The following GABRG2 variants were observed in gnomAD, a reference collection of about 807,000 sequenced individuals.
GABRG2 encodes the protein gamma-aminobutyric acid receptor subunit gamma-2.
A neutral mutation model predicts 56.4 loss-of-function variants in GABRG2; 16 were observed. That is an observed-to-expected ratio of 0.28 (90% CI 0.19 to 0.43). The LOEUF is 0.43. Among genes scored for constraint, GABRG2 ranks in the 20% least tolerant of loss-of-function variants. The pLI is 1.00. For missense variants in GABRG2, 327 were observed against 582.7 expected, an observed-to-expected ratio of 0.56 and a Z score of 4.52; for synonymous variants, 208 against 205.5, an observed-to-expected ratio of 1.01 and a Z score of -0.10.
chr5:162,149,465 A>T (rs1276785370), intron 8 of GABRG2, 152 bp downstream of exon 8: 1 of 753,592 alleles, frequency 1.3e-6, no homozygotes, highest in Non-Finnish European at 2.3e-6. Context: ...CGATTCATTT[A>T]CAGTCATTAG....
chr5:162,097,563 G>C, intron 3 of GABRG2, 75 bp from the exon 4 acceptor site: 1 of 1,139,652 alleles, frequency 8.8e-7, no homozygotes, highest in African/African-American at 1.5e-5. Context: ...AAGAAAACAG[G>C]AATGAAATAT....
intron 6 of GABRG2, among the ~76,000 whole-genome samples, chr5:162,133,446 C>A (rs929866410): frequency 2.6e-5 from 4 of 152,018 alleles, no homozygotes; most frequent in African/African-American, 9.7e-5. Context: ...AATTGCCCTG[C>A]GTTTATGTAA....
chr5:162,127,595 G>T (rs1168118546), intron 6 of GABRG2, among the ~76,000 whole-genome samples: 1 of 151,760 alleles, frequency 6.6e-6, no homozygotes, highest in East Asian at 1.9e-4. Flanking sequence ...TGAATTTGAG[G>T]GCTCTGGATA....
intron 6 of GABRG2, among the ~76,000 whole-genome samples, chr5:162,116,968 T>C (rs454888): frequency 0.11 from 16,628 of 152,128 alleles, 1,102 homozygotes; most frequent in East Asian, 0.26. Context: ...AAGTTACTTT[T>C]AAAAAGAGAA....
intron 1 of GABRG2, among the ~76,000 whole-genome samples, chr5:162,068,920 G>A (rs147504802): frequency 2.4e-4 from 36 of 152,172 alleles, no homozygotes; most frequent in African/African-American, 7.5e-4. Flanking sequence ...GGGAATATAC[G>A]TCTGGAAAAG....
Position 162,126,516 on chromosome 5 carries a change from T to C in GABRG2, c.770-15648T>C, listed in dbSNP as rs116324441. Among the ~76,000 whole-genome samples the C allele has an allele frequency of 4.5e-3, 678 of 152,104 alleles. 7 individuals are homozygous for C. Among genetic ancestry groups the C allele is most frequent in the African/African-American group, 0.016 (654 of 41,544 alleles). ...GAGTTAAAACTTTGGGAAAGGCAGA[T>C]GTTATCCCAGCATGAGGTTTCCCTC... On this transcript the variant is annotated intron_variant, in intron 6 of 9. Coordinates refer to ENST00000639213, the MANE Select transcript of GABRG2 (RefSeq NM_198904.4).
intron 1 of GABRG2, 91 bp from the exon 2 acceptor site, chr5:162,093,737 G>T: frequency 8.1e-7 from 1 of 1,229,266 alleles, no homozygotes. Context: ...CTTTTATCCT[G>T]TTTTATTTCT....
chr5:162,092,861 A>G (rs1183299400), intron 1 of GABRG2, among the ~76,000 whole-genome samples: 1 of 152,156 alleles, frequency 6.6e-6, no homozygotes, highest in Non-Finnish European at 1.5e-5. Context: ...AGTAACCAAT[A>G]TTCATTCAGT....
intron 1 of GABRG2, among the ~76,000 whole-genome samples, chr5:162,079,555 G>A (rs1022096015): frequency 1.3e-5 from 2 of 151,802 alleles, no homozygotes; most frequent in Non-Finnish European, 2.9e-5. Context: ...ATATAGTGCT[G>A]AACAAGGCAA....
chr5:162,142,457 C>G (rs1764643647), intron 7 of GABRG2, 141 bp downstream of exon 7: 3 of 908,574 alleles, frequency 3.3e-6, no homozygotes, highest in South Asian at 2.8e-5. Flanking sequence ...TTCAAGAGAA[C>G]TGGCATTTTT....
At chr5:162,095,431 A>C in intron 2 of GABRG2, 64 bp from the exon 3 acceptor site, 1 of 995,758 alleles carries the variant, frequency 1.0e-6, no homozygotes, top group Non-Finnish European at 1.6e-6. Flanking sequence ...CTAGAAAACA[A>C]AGATTAAAAC....
At chr5:162,131,232 T>G (rs949404476) in intron 6 of GABRG2, among the ~76,000 whole-genome samples, 9 of 152,010 alleles carry the variant, frequency 5.9e-5, no homozygotes, top group Admixed American at 3.9e-4. Context: ...ATAGTAAATG[T>G]TTCCTAAAAG....
intron 1 of GABRG2, among the ~76,000 whole-genome samples, chr5:162,074,110 A>C (rs1420716148): frequency 1.3e-5 from 2 of 152,066 alleles, no homozygotes; most frequent in African/African-American, 4.8e-5. Flanking sequence ...CTAGAGAATA[A>C]ATTTCCTTTA....
chr5:162,075,529 C>T (rs890590880), intron 1 of GABRG2, among the ~76,000 whole-genome samples: 1 of 151,968 alleles, frequency 6.6e-6, no homozygotes, highest in Non-Finnish European at 1.5e-5. Flanking sequence ...GATTTTCTAT[C>T]TCTCTCAGCT....
In GABRG2 at chr5:162,093,891, G is replaced by T. The variant is rs368962609; in HGVS notation, c.171G>T (p.Leu57Phe). ...EDYASNKTWV[L>F]TPKVPEGDVT... ...ATGCTTCTAACAAAACATGGGTCTTGACTCCAAAAGTTCCTGAGGGTGATG... is the reference window on the plus strand; with the variant it reads ...ATGCTTCTAACAAAACATGGGTCTTTACTCCAAAAGTTCCTGAGGGTGATG... The change falls in exon 2 of 10, where the codon TTG (leucine) becomes TTT (phenylalanine). Residue 57 changes from leucine (L) to phenylalanine (F), a missense_variant. Leu to Phe is a conservative substitution (Grantham distance 22, BLOSUM62 0). Around this residue, in one of 4 missense-constraint regions of GABRG2, gnomAD observed 73 missense variants for 72.2 expected, o/e 1.01. Transcript: ENST00000639213. 6.2e-7 allele frequency: 1 copy of T among 1,613,130 alleles called. No individual in the cohort carries two copies. The highest frequency in any genetic ancestry group is 1.3e-5 in the African/African-American group (1 of 74,844).
intron 4 of GABRG2, chr5:162,100,227 G>C (rs1046617949): frequency 6.6e-6 from 1 of 151,998 alleles, no homozygotes; most frequent in Non-Finnish European, 1.5e-5. Flanking sequence ...ATAATTATTA[G>C]ATATATTTTA....
intron 6 of GABRG2, among the ~76,000 whole-genome samples, chr5:162,108,976 T>A (rs980357207): frequency 2.0e-5 from 3 of 152,174 alleles, no homozygotes; most frequent in African/African-American, 7.2e-5. Context: ...CATGTGTCTT[T>A]ATAGCAGCAT....
intron 6 of GABRG2, among the ~76,000 whole-genome samples, chr5:162,132,154 G>T (rs1763798802): frequency 6.7e-6 from 1 of 148,602 alleles, no homozygotes; most frequent in African/African-American, 2.4e-5. Flanking sequence ...TCTCAGATTG[G>T]TTACTTAAAA....
chr5:162,132,365 G>A (rs1258545531), intron 6 of GABRG2, among the ~76,000 whole-genome samples: 1 of 151,986 alleles, frequency 6.6e-6, no homozygotes, highest in Non-Finnish European at 1.5e-5. Flanking sequence ...TGTGGACCAG[G>A]CATTTTTCTG....
Sources: gnomAD v4.1 joint callset for allele counts (sites outside exome capture counted in the v4.1 genomes callset) on GRCh38, gnomAD v4.1.1 for gene constraint, gnomAD v4.1.1 regional missense constraint, MANE v1.5 for transcripts, NCBI Gene and HGNC (gene_info 2026-07-23, HGNC 2026-07-21) for gene names.